DENND4C: variants seen among roughly 807,000 people sequenced by gnomAD.
The protein encoded by DENND4C is DENN domain containing 4C.
A neutral mutation model predicts 203.0 loss-of-function variants in DENND4C; 108 were observed. The ratio of observed to expected loss-of-function variants is 0.53; its 90% confidence interval spans 0.46 to 0.62. The LOEUF is 0.62. DENND4C is among the 20% of genes least tolerant of loss of function. The pLI is 0.00. For missense variants in DENND4C, 2,481 were observed against 2,301.2 expected (o/e 1.08, Z -1.60); for synonymous variants, 871 against 792.4 (o/e 1.10, Z -1.67).
intron 5 of DENND4C, among the ~76,000 whole-genome samples, chr9:19,294,326 A>G (rs1479938293): frequency 6.6e-6 from 1 of 152,088 alleles, no homozygotes; most frequent in Non-Finnish European, 1.5e-5. Flanking sequence ...AGAAATTTGT[A>G]CTGTCAAAGA....
intron 28 of DENND4C, among the ~76,000 whole-genome samples, chr9:19,359,649 G>T (rs1246961691): frequency 6.7e-6 from 1 of 149,726 alleles, no homozygotes; most frequent in Non-Finnish European, 1.5e-5. Flanking sequence ...GGAGACCACA[G>T]TCTAGGCACC....
At chr9:19,245,466 C>CA (rs11396447) in intron 1 of DENND4C, among the ~76,000 whole-genome samples, 70,212 of 139,854 alleles carry the variant, frequency 0.5, 18,356 homozygotes, top group African/African-American at 0.66. Context: ...GACTCAGTCT[C>CA]AAAAAAAAAA....
Position 19,299,216 on chromosome 9 carries a change from T to G in DENND4C, c.1108-13T>G, listed in dbSNP as rs1838063510. The G allele has an allele frequency of 1.3e-6, 2 of 1,555,142 alleles. No homozygotes were observed. Among genetic ancestry groups the G allele is most frequent in the Non-Finnish European group, 1.7e-6 (2 of 1,158,234 alleles). ...TTTATCTTTGGTTAATTTATCTTTT[T>G]TTTTTTTTTAAGCTGTCAGTCCATG... is the stretch of plus-strand genomic sequence containing the variant. On this transcript the variant is annotated splice_polypyrimidine_tract_variant and intron_variant, in intron 7 of 32. Transcript: ENST00000434457.
In DENND4C at chr9:19,275,277, C is replaced by T. The variant is rs1211728811; in HGVS notation, c.-17-881C>T. ...ACAGGTGTGAGCCACCAGGCCCGGCCTTTTTTTTTTTTTTCTTTCTCTTTT... is the reference window on the plus strand; with the variant it reads ...ACAGGTGTGAGCCACCAGGCCCGGCTTTTTTTTTTTTTTTCTTTCTCTTTT... On this transcript the variant is annotated intron_variant, in intron 1 of 32. Coordinates refer to ENST00000434457, the MANE Select transcript of DENND4C (RefSeq NM_001330640.2). 1.0e-4 allele frequency among the ~76,000 whole-genome samples: 13 copies of T among 129,982 alleles called. No individual in the cohort carries two copies. The South Asian group carries it at 1.8e-3, about 18-fold the overall frequency. The allele number at this position is 129,982 out of a possible 152,430, so 85.3% of individuals were successfully genotyped here.
At chr9:19,291,911 G>C (rs1836398592) in intron 5 of DENND4C, among the ~76,000 whole-genome samples, 1 of 152,112 alleles carries the variant, frequency 6.6e-6, no homozygotes, top group South Asian at 2.1e-4. Context: ...CATCCTAAGA[G>C]CTAATGGTTG....
rs566544765 is a variant in DENND4C, at chr9:19,332,590, C to T, written c.2460+406C>T. Among the ~76,000 whole-genome samples the T allele has an allele frequency of 6.0e-5, 9 of 148,788 alleles. No homozygotes were observed. The East Asian group carries it at 1.8e-3, about 30-fold the overall frequency. ...GTGTTGGCCAGGCTGGTCTCAAACTCCTGGCCTCAAGTGATCTGCCTGCCT... is the reference window on the plus strand; with the variant it reads ...GTGTTGGCCAGGCTGGTCTCAAACTTCTGGCCTCAAGTGATCTGCCTGCCT... On this transcript the variant is annotated intron_variant, in intron 17 of 32. Transcript: ENST00000434457.
At chr9:19,258,095 G>A (rs143452054) in intron 1 of DENND4C, among the ~76,000 whole-genome samples, 83 of 151,324 alleles carry the variant, frequency 5.5e-4, no homozygotes, top group Non-Finnish European at 9.1e-4. Context: ...TCCAGCCTGG[G>A]CAACAGAGTA....
intron 5 of DENND4C, among the ~76,000 whole-genome samples, chr9:19,291,703 TAAAAA>T (rs61007729): frequency 2.2e-5 from 3 of 135,522 alleles, no homozygotes; most frequent in Non-Finnish European, 4.7e-5. Context: ...ATACTCTTTC[TAAAAA>T]AAAAAAAAAA....
At chr9:19,301,359 A>G (rs934384519) in intron 9 of DENND4C, among the ~76,000 whole-genome samples, 1 of 152,172 alleles carries the variant, frequency 6.6e-6, no homozygotes, top group Non-Finnish European at 1.5e-5. Context: ...GGGAGTAAGG[A>G]CCTAATCTCT....
chr9:19,315,490 AATAT>A (rs150250739), intron 10 of DENND4C, among the ~76,000 whole-genome samples: 1 of 148,334 alleles, frequency 6.7e-6, no homozygotes, highest in African/African-American at 2.5e-5. Context: ...ATATTCTTGG[AATAT>A]ATATATATAT....
intron 1 of DENND4C, among the ~76,000 whole-genome samples, chr9:19,249,136 C>T (rs184860134): frequency 1.3e-5 from 2 of 152,076 alleles, no homozygotes; most frequent in Admixed American, 6.6e-5. Flanking sequence ...TAATTATTTT[C>T]CAACCGTAAT....
At chr9:19,357,828 A>C in intron 27 of DENND4C, 137 bp from the exon 28 acceptor site, 1 of 694,098 alleles carries the variant, frequency 1.4e-6, no homozygotes, top group Non-Finnish European at 2.2e-6. Flanking sequence ...AAGGAAATGC[A>C]ATTCTTACAA....
At chr9:19,296,287 GTA>G (rs747840367) in intron 6 of DENND4C, 41 bp downstream of exon 6, 7 of 1,309,364 alleles carry the variant, frequency 5.3e-6, no homozygotes, top group Non-Finnish European at 7.5e-6. Context: ...GGAAAACTGG[GTA>G]TATAAATATA....
At position 19,352,013 on chromosome 9, in the gene DENND4C, C is replaced by A. The variant is rs1331994053; in HGVS notation, c.4496-60C>A. The A allele has an allele frequency of 5.0e-6, 7 of 1,406,892 alleles. No homozygotes were observed. In the Admixed American group the frequency reaches 5.1e-5, roughly 10 times the overall value. The allele number at this position is 1,406,892 out of a possible 1,614,324, so 87.2% of individuals were successfully genotyped here. A position where few individuals can be genotyped will look rare whatever the true frequency, so the allele number is the denominator to read the frequency against. On this transcript the variant is annotated intron_variant, in intron 24 of 32. Transcript: ENST00000434457. Reference sequence around the variant, plus strand: ...TGTCCCCCCTAAATACTTTGGCATGCATTTTCAAAAAACAAGGACATTCCT... The same window carrying A: ...TGTCCCCCCTAAATACTTTGGCATGAATTTTCAAAAAACAAGGACATTCCT...
At chr9:19,371,664 T>C in intron 31 of DENND4C, 92 bp from the exon 32 acceptor site, 1 of 671,070 alleles carries the variant, frequency 1.5e-6, no homozygotes, top group Admixed American at 2.8e-5. Context: ...ATTAACTAGA[T>C]GACAGAACTT....
In DENND4C at chr9:19,246,473, A is replaced by C. The variant is rs189280762; in HGVS notation, c.-18+15640A>C. ...TTTATAATAGAGATGAGGTCTCGCT[A>C]TGTCAAGCAATCCTCCCACCTTGGC... On this transcript the variant is annotated intron_variant, in intron 1 of 32. Coordinates refer to ENST00000434457, the MANE Select transcript of DENND4C (RefSeq NM_001330640.2). 4.0e-3 allele frequency among the ~76,000 whole-genome samples: 604 copies of C among 152,242 alleles called. 2 individuals carry two copies. The highest frequency in any genetic ancestry group is 6.5e-3 in the Non-Finnish European group (442 of 68,024).
At position 19,305,414 on chromosome 9, in the gene DENND4C, A is replaced by C. The variant is rs1417642066; in HGVS notation, c.1374A>C (p.Ala458=). 2.5e-6 allele frequency: 4 copies of C among 1,613,836 alleles called. No homozygotes were observed. The highest frequency in any genetic ancestry group is 3.4e-6 in the Non-Finnish European group (4 of 1,179,938). ...YIPLCPLSLA[A]VLSAPLPFIV... The stretch of plus-strand genomic sequence containing the variant: ...CCCTTTGTCCTCTTTCACTGGCTGC[A>C]GTGCTTAGTGCACCTTTACCATTTA... Residue 458 remains alanine (A), a synonymous_variant, in exon 10 of 33, where the codon GCA becomes GCC. Transcript: ENST00000434457.
intron 10 of DENND4C, among the ~76,000 whole-genome samples, chr9:19,315,716 T>C (rs1014404673): frequency 6.6e-6 from 1 of 151,412 alleles, no homozygotes; most frequent in Non-Finnish European, 1.5e-5. Flanking sequence ...GTTTTTTTTT[T>C]TCTTTTTGAG....
At chr9:19,278,221 C>T (rs902560486) in intron 2 of DENND4C, among the ~76,000 whole-genome samples, 4 of 151,942 alleles carry the variant, frequency 2.6e-5, no homozygotes, top group African/African-American at 4.8e-5. Flanking sequence ...CTGCAACCTC[C>T]GCCTCCCGGG....
Sources: gnomAD v4.1 joint callset for allele counts (sites outside exome capture counted in the v4.1 genomes callset) on GRCh38, gnomAD v4.1.1 for gene constraint, MANE v1.5 for transcripts, NCBI Gene and HGNC (gene_info 2026-07-23, HGNC 2026-07-21) for gene names.